MTARC1: variants seen among roughly 807,000 people sequenced by gnomAD.
MTARC1 encodes mitochondrial amidoxime reducing component 1, also known as mitochondrial amidoxime-reducing component 1.
MTARC1 carries 24 observed loss-of-function variants against 33.6 expected under a neutral mutation model. That is an observed-to-expected ratio of 0.72 (90% CI 0.52 to 1.01). The LOEUF (loss-of-function observed/expected upper bound fraction) is 1.01, where lower values mean the gene tolerates loss of function less well. MTARC1 is among the 50% of genes least tolerant of loss of function. The pLI, the probability that MTARC1 is intolerant of heterozygous loss-of-function variation, is 0.00. For synonymous variants in MTARC1, 187 were observed against 189.5 expected, an observed-to-expected ratio of 0.99 and a Z score of 0.11; for missense variants, 417 against 445.7, an observed-to-expected ratio of 0.94 and a Z score of 0.58.
At position 220,791,565 on chromosome 1, in the gene MTARC1, T is replaced by C. The variant is rs373787106; in HGVS notation, c.350T>C (p.Leu117Pro). The change falls in exon 2 of 7, where the codon CTG (leucine) becomes CCG (proline). Residue 117 changes from leucine (L) to proline (P), a missense_variant. Coordinates refer to ENST00000366910, the MANE Select transcript of MTARC1 (RefSeq NM_022746.4). ...RQEPRLVLIS[L>P]TCDGDTLTLS... ...GAACCTCGCCTGGTCCTGATTTCCCTGACCTGCGATGGTGACACCCTGACT... is the reference window on the plus strand; with the variant it reads ...GAACCTCGCCTGGTCCTGATTTCCCCGACCTGCGATGGTGACACCCTGACT... 4 of 1,614,208 alleles carry C rather than the reference T, an allele frequency of 2.5e-6. No individual in the cohort carries two copies. The highest frequency in any genetic ancestry group is 3.4e-6 in the Non-Finnish European group (4 of 1,180,042).
At chr1:220,799,671 T>G (rs1179050903) in intron 4 of MTARC1, among the ~76,000 whole-genome samples, 1 of 152,180 alleles carries the variant, frequency 6.6e-6, no homozygotes, top group African/African-American at 2.4e-5. Context: ...CCCTAGGCTA[T>G]ACCACAGCAA....
chr1:220,797,859 C>G lies in MTARC1; in HGVS notation c.613-15C>G. The G allele has an allele frequency of 6.2e-7, 1 of 1,613,714 alleles. No individual in the cohort carries two copies. Among genetic ancestry groups the G allele is most frequent in the Non-Finnish European group, 8.5e-7 (1 of 1,179,742 alleles). The stretch of plus-strand genomic sequence containing the variant: ...GGTGTGCCATGTGTTATAACAATGT[C>G]TATTTCCTTATCAGATTGCTTACTC... On this transcript the variant is annotated splice_polypyrimidine_tract_variant and intron_variant, in intron 3 of 6. Coordinates refer to ENST00000366910, the MANE Select transcript of MTARC1 (RefSeq NM_022746.4).
In MTARC1 at chr1:220,813,301, G is replaced by A. The variant is rs765522865; in HGVS notation, c.897G>A (p.Gln299=). The A allele has an allele frequency of 6.2e-7, 1 of 1,614,124 alleles. No homozygotes were observed. ...TCTTTTCCTATTGCAGTTATCGCCAGTGTGACCCTTCAGAACGAAAGTTAT... is the reference window on the plus strand; with the variant it reads ...TCTTTTCCTATTGCAGTTATCGCCAATGTGACCCTTCAGAACGAAAGTTAT... The part of the protein sequence containing the change: ...EPLETLKSYR[Q]CDPSERKLYG... Residue 299 remains glutamine (Q), a synonymous_variant, in exon 7 of 7, where the codon CAG becomes CAA. Transcript: ENST00000366910.
chr1:220,787,258 C>G (rs1672264450), intron 1 of MTARC1, 39 bp downstream of exon 1: 1 of 1,533,986 alleles, frequency 6.5e-7, no homozygotes, highest in Non-Finnish European at 8.8e-7. Flanking sequence ...GCTGATCCGG[C>G]TCGGGGCAAG....
At chr1:220,801,353 C>G (rs533862247) in intron 4 of MTARC1, among the ~76,000 whole-genome samples, 50 of 151,644 alleles carry the variant, frequency 3.3e-4, no homozygotes, top group African/African-American at 6.3e-4. Context: ...CAGCCCCCCC[C>G]ACAGCACACA....
At chr1:220,805,379 C>T in intron 6 of MTARC1, 105 bp downstream of exon 6, 1 of 1,241,992 alleles carries the variant, frequency 8.1e-7, no homozygotes. Flanking sequence ...ACACCACACA[C>T]ATAGTCTTGA....
chr1:220,798,195 A>G (rs1672682571), intron 4 of MTARC1, 181 bp downstream of exon 4: 2 of 1,534,338 alleles, frequency 1.3e-6, no homozygotes, highest in South Asian at 2.3e-5. Context: ...TGTGGAGGAT[A>G]CAAATGTTGA....
chr1:220,803,653 C>A lies in MTARC1; in HGVS notation c.754-1399C>A, dbSNP rs1571676508. On this transcript the variant is annotated intron_variant, in intron 4 of 6. Coordinates refer to ENST00000366910, the MANE Select transcript of MTARC1 (RefSeq NM_022746.4). ...GTCACCTCCAGGTGCTGTAGGAAGA[C>A]TTTCCTGGGCTCATCAGTGCTTATG... Among the ~76,000 whole-genome samples, 5 of 152,078 alleles carry A rather than the reference C, an allele frequency of 3.3e-5. 1 individual carries two copies. In the East Asian group the frequency reaches 9.7e-4, roughly 29 times the overall value.
intron 6 of MTARC1, among the ~76,000 whole-genome samples, chr1:220,807,508 G>A (rs1430321147): frequency 6.6e-6 from 1 of 152,152 alleles, no homozygotes; most frequent in African/African-American, 2.4e-5. Context: ...CTTTGAATCC[G>A]AGAGGTGGAG....
At chr1:220,810,256 T>C (rs1348969613) in intron 6 of MTARC1, among the ~76,000 whole-genome samples, 1 of 151,812 alleles carries the variant, frequency 6.6e-6, no homozygotes, top group Non-Finnish European at 1.5e-5. Context: ...TGTTTCAGAG[T>C]GTTGAACTTA....
intron 1 of MTARC1, among the ~76,000 whole-genome samples, chr1:220,787,953 A>G (rs537620424): frequency 6.6e-6 from 1 of 152,234 alleles, no homozygotes; most frequent in Non-Finnish European, 1.5e-5. Context: ...AGTTGCAGTG[A>G]GCCAGGATTG....
chr1:220,791,474 T>G lies in MTARC1; in HGVS notation c.276-17T>G. 3 of 1,612,928 alleles carry G rather than the reference T, an allele frequency of 1.9e-6. No individual in the cohort carries two copies. The highest frequency in any genetic ancestry group is 2.5e-6 in the Non-Finnish European group (3 of 1,179,346). ...GCCATAATGGTTCACACATATCCTG[T>G]GTTTTGAAAACGGCAGGTTTTGGCT... On this transcript the variant is annotated splice_polypyrimidine_tract_variant and intron_variant, in intron 1 of 6. Transcript: ENST00000366910.
intron 4 of MTARC1, among the ~76,000 whole-genome samples, chr1:220,803,868 C>G (rs17008808): frequency 0.013 from 1,981 of 152,172 alleles, 25 homozygotes; most frequent in South Asian, 0.051. Context: ...CTGTGCTAAT[C>G]CGCTGTGCCC....
chr1:220,803,586 G>T (rs777414977), intron 4 of MTARC1, among the ~76,000 whole-genome samples: 25 of 152,068 alleles, frequency 1.6e-4, no homozygotes, highest in Non-Finnish European at 2.8e-4. Context: ...GCTACCGTGT[G>T]CTCTGAGCCT....
chr1:220,819,536 A>T lies in MTARC1; in HGVS notation c.*6118A>T, dbSNP rs1426141325. 1 of 152,240 alleles carries T rather than the reference A, an allele frequency of 6.6e-6. No individual in the cohort carries two copies. Among genetic ancestry groups the T allele is most frequent in the Non-Finnish European group, 1.5e-5 (1 of 68,040 alleles). 9.4% of individuals were successfully genotyped at this position (152,240 alleles called of 1,614,324 possible). ...TTGGGGATGTCAAGTAAGATTGTTC[A>T]CATAGTTTCTGGACACCATTAATGC... is the stretch of plus-strand genomic sequence containing the variant. On this transcript the variant is annotated 3_prime_UTR_variant, in exon 7 of 7. Coordinates refer to ENST00000366910, the MANE Select transcript of MTARC1 (RefSeq NM_022746.4).
chr1:220,809,447 T>C (rs1401079508), intron 6 of MTARC1, among the ~76,000 whole-genome samples: 1 of 152,036 alleles, frequency 6.6e-6, no homozygotes, highest in Non-Finnish European at 1.5e-5. Context: ...GGAGGTTCAG[T>C]GTGGCACCTC....
Position 220,816,356 on chromosome 1 carries a change from T to C in MTARC1, c.*2938T>C, listed in dbSNP as rs1673280041. On this transcript the variant is annotated 3_prime_UTR_variant, in exon 7 of 7. Coordinates refer to ENST00000366910, the MANE Select transcript of MTARC1 (RefSeq NM_022746.4). ...TTAAAGTTCCTTGAAAATGACAGAG[T>C]GGCTCTCAGACCAGACCTTGATTGT... is the stretch of plus-strand genomic sequence containing the variant. The C allele has an allele frequency of 6.6e-6, 1 of 152,170 alleles. No individual in the cohort carries two copies. Among genetic ancestry groups the C allele is most frequent in the African/African-American group, 2.4e-5 (1 of 41,430 alleles). 9.4% of individuals were successfully genotyped at this position (152,170 alleles called of 1,614,324 possible). A position where few individuals can be genotyped will look rare whatever the true frequency, so the allele number is the denominator to read the frequency against.
intron 6 of MTARC1, among the ~76,000 whole-genome samples, chr1:220,810,117 G>A (rs1231168669): frequency 6.6e-6 from 1 of 152,168 alleles, no homozygotes; most frequent in Non-Finnish European, 1.5e-5. Context: ...TATGTTTCAT[G>A]TTCATTTAAG....
At chr1:220,812,728 A>ATTT (rs34042064) in intron 6 of MTARC1, among the ~76,000 whole-genome samples, 299 of 147,488 alleles carry the variant, frequency 2.0e-3, no homozygotes, top group African/African-American at 6.1e-3. Context: ...TGAGTATCTA[A>ATTT]TTTTTTTTTT....
Sources: gnomAD v4.1 joint callset for allele counts (sites outside exome capture counted in the v4.1 genomes callset) on GRCh38, gnomAD v4.1.1 for gene constraint, MANE v1.5 for transcripts, NCBI Gene and HGNC (gene_info 2026-07-23, HGNC 2026-07-21) for gene names.